The following GFY variants were observed in gnomAD, a reference collection of about 807,000 sequenced individuals.
The protein encoded by GFY is Golgi-associated olfactory signaling regulator.
A neutral mutation model predicts 29.1 loss-of-function variants in GFY; 28 were observed. The ratio of observed to expected loss-of-function variants is 0.96; its 90% CI spans 0.71 to 1.32. GFY has a LOEUF of 1.32. Among genes scored for constraint, GFY ranks in the 40% most tolerant of loss-of-function variants. The pLI, the probability that GFY is intolerant of heterozygous loss-of-function variation, is 0.00. For missense variants in GFY, 656 were observed against 661.9 expected (o/e 0.99, Z 0.10); for synonymous variants, 277 against 274.5 (o/e 1.01, Z -0.09).
chr19:49,424,465 T>G (rs140017923), upstream of GFY, among the ~76,000 whole-genome samples: 1 of 152,118 alleles, frequency 6.6e-6, no homozygotes, highest in Admixed American at 6.5e-5. Context: ...AGGCTGGTCT[T>G]GAACTCCTGA....
chr19:49,428,546 C>A, intron 3 of GFY, 73 bp from the exon 4 acceptor site: 1 of 1,169,750 alleles, frequency 8.5e-7, no homozygotes, highest in Non-Finnish European at 1.1e-6. Context: ...CGCACAAAAG[C>A]GGCCCTGGAG....
rs1488342124 is a variant in GFY at position 49,426,322 on chromosome 19, TGTGTTCCA to T, written c.-21-84_-21-77del. On this transcript the variant is annotated intron_variant, in intron 1 of 3. Transcript: ENST00000610896. The stretch of plus-strand genomic sequence containing the variant: ...GGGCCCCGGACAGACGTGGTCCACC[TGTGTTCCA>T]GTGGGCGTGGCCTCCGGGAGTGGGC... 2.8e-6 allele frequency: 4 copies of T among 1,440,600 alleles called. No homozygotes were observed. In the African/African-American group the frequency reaches 5.7e-5, roughly 21 times the overall value. 89.2% of individuals were successfully genotyped at this position (1,440,600 alleles called of 1,614,324 possible).
At chr19:49,427,871 G>T in intron 2 of GFY, 75 bp from the exon 3 acceptor site, 1 of 1,459,870 alleles carries the variant, frequency 6.8e-7, no homozygotes, top group South Asian at 1.3e-5. Context: ...TGAGGGAGGA[G>T]GGGCTAGGAG....
chr19:49,427,579 C>T lies in GFY; in HGVS notation c.1149C>T (p.Asn383=). 1 of 1,488,360 alleles carries T rather than the reference C, an allele frequency of 6.7e-7. No homozygotes were observed. Among genetic ancestry groups the T allele is most frequent in the South Asian group, 1.3e-5 (1 of 74,676 alleles). The allele number at this position is 1,488,360 out of a possible 1,614,324, so 92.2% of individuals were successfully genotyped here. ...PQRHSRGEGV[N]TIIVVERVKE... ...GGCACAGCCGAGGTGAGGGAGTCAA[C>T]ACCATCATCGTGGTGGAGCGAGTGA... Residue 383 remains asparagine (N), a synonymous_variant, in exon 2 of 4, where the codon AAC becomes AAT. Coordinates refer to ENST00000610896, the MANE Select transcript of GFY (RefSeq NM_001195256.2).
In GFY at chr19:49,428,258, C is replaced by A. The variant is rs547692452; in HGVS notation, c.1357+139C>A. 1.3e-3 allele frequency: 1,466 copies of A among 1,120,580 alleles called. 2 individuals carry two copies. Among genetic ancestry groups the A allele is most frequent in the Non-Finnish European group, 1.5e-3 (1,193 of 808,066 alleles). 69.4% of individuals were successfully genotyped at this position (1,120,580 alleles called of 1,614,324 possible). On this transcript the variant is annotated intron_variant, in intron 3 of 3. Transcript: ENST00000610896. ...TGGCTCTTCCATGGCAACGTCCAGC[C>A]CCCTAAATGTCTGCAATTTCACCCA...
chr19:49,426,315 G>A, intron 1 of GFY, 95 bp from the exon 2 acceptor site: 1 of 1,437,694 alleles, frequency 7.0e-7, no homozygotes, highest in South Asian at 1.5e-5. Flanking sequence ...GACAGACGTG[G>A]TCCACCTGTG....
Position 49,428,898 on chromosome 19 carries a change from G to C in GFY, c.*80G>C. 1.0e-6 allele frequency: 1 copy of C among 978,186 alleles called. No homozygotes were observed. The highest frequency in any genetic ancestry group is 1.9e-5 in the South Asian group (1 of 53,848). The allele number at this position is 978,186 out of a possible 1,614,324, so 60.6% of individuals were successfully genotyped here. On this transcript the variant is annotated 3_prime_UTR_variant, in exon 4 of 4. Coordinates refer to ENST00000610896, the MANE Select transcript of GFY (RefSeq NM_001195256.2). ...GCTTCTGGTATGCTTAGCTAGAGTA[G>C]TGCCCCGGATAAAGGGTCTAATATA...
intron 3 of GFY, 37 bp downstream of exon 3, chr19:49,428,156 A>G (rs1012949359): frequency 2.6e-6 from 4 of 1,513,930 alleles, no homozygotes; most frequent in Non-Finnish European, 3.5e-6. Flanking sequence ...GCACTTTTCC[A>G]TAACCTGGTC....
At chr19:49,428,573 C>T in intron 3 of GFY, 46 bp from the exon 4 acceptor site, 1 of 1,358,818 alleles carries the variant, frequency 7.4e-7, no homozygotes, top group Non-Finnish European at 9.6e-7. Context: ...TGGAAGGGGG[C>T]CTGGAGGGTC....
intron 1 of GFY, 70 bp from the exon 2 acceptor site, chr19:49,426,340 G>A: frequency 7.6e-6 from 11 of 1,442,838 alleles, no homozygotes; most frequent in Non-Finnish European, 9.9e-6. Flanking sequence ...AGTGGGCGTG[G>A]CCTCCGGGAG....
At position 49,427,259 on chromosome 19, in the gene GFY, G is replaced by A. The variant is rs980789561; in HGVS notation, c.829G>A (p.Asp277Asn). The change falls in exon 2 of 4, where the codon GAC becomes AAC. Residue 277 changes from aspartate to asparagine, a missense_variant. By Grantham distance (23) the Asp-to-Asn change is conservative. Transcript: ENST00000610896. ...QNATDVPRTS[D>N]PQISTSLYPE... ...TGCAACAGATGTACCCAGGACCTCC[G>A]ACCCTCAAATCTCCACTAGTCTCTA... 3 of 1,535,854 alleles carry A rather than the reference G, an allele frequency of 2.0e-6. No homozygotes were observed. The highest frequency in any genetic ancestry group is 2.4e-5 in the East Asian group (1 of 40,926).
chr19:49,428,696 G>T lies in GFY; in HGVS notation c.1435G>T (p.Ala479Ser). Residue 479 changes from alanine (A) to serine (S), a missense_variant, in exon 4 of 4, where the codon GCC (alanine) becomes TCC (serine). By Grantham distance (99) the Ala-to-Ser change is moderately conservative. Coordinates refer to ENST00000610896, the MANE Select transcript of GFY (RefSeq NM_001195256.2). ...GGATACCTGGGTCCCTTCCCACATC[G>T]CCACCAAGCAGCCCCCGCCCACACC... ...APDTWVPSHI[A>S]TKQPPPTPPL... 6.5e-7 allele frequency: 1 copy of T among 1,529,948 alleles called. No homozygotes were observed. The highest frequency in any genetic ancestry group is 2.5e-5 in the East Asian group (1 of 40,082). 94.8% of individuals were successfully genotyped at this position (1,529,948 alleles called of 1,614,324 possible). A position where few individuals can be genotyped will look rare whatever the true frequency, so the allele number is the denominator to read the frequency against.
chr19:49,426,817 A>G lies in GFY; in HGVS notation c.387A>G (p.Ala129=), dbSNP rs556064002. The part of the protein sequence containing the change: ...DMPKTNLSKM[A]HPESSETPTP... ...CCAAAACTAACCTCTCCAAAATGGC[A>G]CACCCAGAGTCTTCTGAGACCCCCA... Residue 129 remains alanine, a synonymous_variant, in exon 2 of 4, where the codon GCA becomes GCG. Coordinates refer to ENST00000610896, the MANE Select transcript of GFY (RefSeq NM_001195256.2). The G allele has an allele frequency of 1.0e-5, 16 of 1,535,776 alleles. 1 individual carries two copies. The Middle Eastern group carries it at 1.3e-3, about 128-fold the overall frequency.
chr19:49,426,942 C>G lies in GFY; in HGVS notation c.512C>G (p.Thr171Ser). The G allele has an allele frequency of 6.5e-7, 1 of 1,535,980 alleles. No homozygotes were observed. The highest frequency in any genetic ancestry group is 8.7e-7 in the Non-Finnish European group (1 of 1,146,886). Residue 171 changes from threonine to serine, a missense_variant, in exon 2 of 4, where the codon ACT (threonine) becomes AGT (serine). Thr to Ser is a moderately conservative substitution (Grantham distance 58). Coordinates refer to ENST00000610896, the MANE Select transcript of GFY (RefSeq NM_001195256.2). The part of the protein sequence containing the change: ...SRPEFPETPN[T>S]DLMQTTPQES... ...CCAGAATTTCCTGAGACCCCAAACA[C>G]TGACCTTATGCAAACTACACCCCAA... is the stretch of plus-strand genomic sequence containing the variant.
chr19:49,428,210 C>G, intron 3 of GFY, 91 bp downstream of exon 3: 22 of 1,423,486 alleles, frequency 1.5e-5, no homozygotes, highest in Non-Finnish European at 2.1e-5. Context: ...CACAGGTCCC[C>G]CACCCAAGGT....
chr19:49,428,831 T>A lies in GFY; in HGVS notation c.*13T>A. The A allele has an allele frequency of 7.0e-7, 1 of 1,426,284 alleles. No individual in the cohort carries two copies. The highest frequency in any genetic ancestry group is 1.5e-5 in the South Asian group (1 of 68,118). 88.4% of individuals were successfully genotyped at this position (1,426,284 alleles called of 1,614,324 possible). ...CAACTTCGTGTGAGCCCCACCGAGT[T>A]CTGCCGGACCTGCACATCCCCACAG... On this transcript the variant is annotated 3_prime_UTR_variant, in exon 4 of 4. Coordinates refer to ENST00000610896, the MANE Select transcript of GFY (RefSeq NM_001195256.2).
Position 49,427,994 on chromosome 19 carries a change from G to A in GFY, c.1232G>A (p.Cys411Tyr). The A allele has an allele frequency of 2.0e-6, 3 of 1,535,934 alleles. No individual in the cohort carries two copies. Among genetic ancestry groups the A allele is most frequent in the Non-Finnish European group, 2.6e-6 (3 of 1,146,702 alleles). The part of the protein sequence containing the change: ...RPRGAAGGAL[C>Y]LFFAGTALLI... ...CGTGGCGCAGCAGGCGGGGCCCTCTGCCTGTTCTTCGCGGGGACCGCGCTG... is the reference window on the plus strand; with the variant it reads ...CGTGGCGCAGCAGGCGGGGCCCTCTACCTGTTCTTCGCGGGGACCGCGCTG... The change falls in exon 3 of 4, where the codon TGC becomes TAC. Residue 411 changes from cysteine to tyrosine, a missense_variant. Coordinates refer to ENST00000610896, the MANE Select transcript of GFY (RefSeq NM_001195256.2).
At chr19:49,426,374 CG>C in intron 1 of GFY, 35 bp from the exon 2 acceptor site, 1 of 1,451,806 alleles carries the variant, frequency 6.9e-7, no homozygotes, top group South Asian at 1.4e-5. Context: ...TGGGAGCCTT[CG>C]GCCTTAACCC....
In GFY at chr19:49,427,099, G is replaced by C. The variant is rs1975083470; in HGVS notation, c.669G>C (p.Glu223Asp). The stretch of plus-strand genomic sequence containing the variant: ...AAAAGCATGACCTCAACTCCACTGA[G>C]ACCCCAAACTCTGAATTTCTCCAAG... ...SPEKHDLNST[E>D]TPNSEFLQAL... The change falls in exon 2 of 4, where the codon GAG becomes GAC. Residue 223 changes from glutamate (E) to aspartate (D), a missense_variant. Transcript: ENST00000610896. 14 of 1,534,828 alleles carry C rather than the reference G, an allele frequency of 9.1e-6. No homozygotes were observed. Among genetic ancestry groups the C allele is most frequent in the Non-Finnish European group, 1.2e-5 (14 of 1,146,692 alleles).
Sources: gnomAD v4.1 joint callset for allele counts (sites outside exome capture counted in the v4.1 genomes callset) on GRCh38, gnomAD v4.1.1 for gene constraint, MANE v1.5 for transcripts, NCBI Gene and HGNC (gene_info 2026-07-23, HGNC 2026-07-21) for gene names.